ASTN2: variants seen among roughly 807,000 people sequenced by gnomAD.
ASTN2 encodes the protein astrotactin-2.
In ASTN2, 54 loss-of-function variants were observed where a neutral mutation model predicts 139.8. That is an observed-to-expected ratio of 0.39 (90% confidence interval 0.31 to 0.48). The LOEUF is 0.48. ASTN2 is among the 20% of genes least tolerant of loss of function. The pLI is 0.95. For synonymous variants in ASTN2, 756 were observed against 719.5 expected (o/e 1.05, Z -0.81); for missense variants, 1,565 against 1,725.1 (o/e 0.91, Z 1.64).
chr9:116,804,212 T>C (rs1588306935), intron 13 of ASTN2, among the ~76,000 whole-genome samples: 1 of 152,160 alleles, frequency 6.6e-6, no homozygotes, highest in African/African-American at 2.4e-5. Context: ...TAAGAGGGTA[T>C]GCTGAATTGA....
intron 19 of ASTN2, among the ~76,000 whole-genome samples, chr9:116,543,041 T>G (rs549346852): frequency 3.9e-4 from 60 of 152,188 alleles, no homozygotes; most frequent in African/African-American, 1.4e-3. Context: ...TTTTTGGAAC[T>G]CTCTTTTAAA....
chr9:116,433,974 T>C (rs1350147119), intron 22 of ASTN2, among the ~76,000 whole-genome samples: 1 of 152,168 alleles, frequency 6.6e-6, no homozygotes, highest in East Asian at 1.9e-4. Flanking sequence ...TTGGAACTGA[T>C]AGGAACTTCA....
intron 4 of ASTN2, among the ~76,000 whole-genome samples, chr9:117,122,579 T>C (rs769135825): frequency 9.2e-5 from 14 of 152,184 alleles, no homozygotes; most frequent in Non-Finnish European, 2.1e-4. Context: ...CACATGGTCA[T>C]TGACTTTGTG....
chr9:117,169,752 G>T (rs138822712), intron 3 of ASTN2, among the ~76,000 whole-genome samples: 1 of 152,032 alleles, frequency 6.6e-6, no homozygotes, highest in East Asian at 1.9e-4. Flanking sequence ...GCAGGGGGCT[G>T]GTGTGGGGAG....
At chr9:117,284,570 G>T (rs1216238379) in intron 2 of ASTN2, among the ~76,000 whole-genome samples, 2 of 152,220 alleles carry the variant, frequency 1.3e-5, no homozygotes, top group African/African-American at 4.8e-5. Context: ...AAGGTGCATG[G>T]TCTCACAGAT....
chr9:116,603,866 A>G (rs1855045417), intron 19 of ASTN2, among the ~76,000 whole-genome samples: 1 of 152,186 alleles, frequency 6.6e-6, no homozygotes, highest in African/African-American at 2.4e-5. Flanking sequence ...AGGGAGAAAG[A>G]TCAGCTTGGG....
intron 19 of ASTN2, among the ~76,000 whole-genome samples, chr9:116,586,839 C>CACACATACAA (rs1554717136): frequency 4.5e-4 from 68 of 149,452 alleles, no homozygotes; most frequent in Non-Finnish European, 7.0e-4. Flanking sequence ...CATACACACA[C>CACACATACAA]ACACACACAC....
chr9:116,432,286 T>C (rs1241688700), intron 22 of ASTN2, among the ~76,000 whole-genome samples: 2 of 152,222 alleles, frequency 1.3e-5, no homozygotes, highest in African/African-American at 4.8e-5. Flanking sequence ...AAGTCATGTT[T>C]TCCCATTTGC....
intron 13 of ASTN2, among the ~76,000 whole-genome samples, chr9:116,752,671 CAAGAA>C (rs1829430435): frequency 6.6e-6 from 1 of 152,088 alleles, no homozygotes; most frequent in Non-Finnish European, 1.5e-5. Flanking sequence ...TAAAATTCAA[CAAGAA>C]AACAAACAGT....
chr9:117,186,727 T>C (rs1375580549), intron 3 of ASTN2, among the ~76,000 whole-genome samples: 1 of 152,214 alleles, frequency 6.6e-6, no homozygotes, highest in Non-Finnish European at 1.5e-5. Context: ...ATTTGCTTTC[T>C]ATACAGTGCC....
At chr9:117,006,892 G>A (rs554911292) in intron 7 of ASTN2, among the ~76,000 whole-genome samples, 28 of 152,072 alleles carry the variant, frequency 1.8e-4, no homozygotes, top group Admixed American at 3.3e-4. Context: ...CGAGGTGGGC[G>A]GATCATGAAG....
chr9:117,038,638 TA>T lies in ASTN2; in HGVS notation c.1423+1180del, dbSNP rs1471503983. ...TAAAATGTATACAATTTTTAAAGGG[TA>T]AAAAGTTCTAAAACTAAAAATTTAT... On this transcript the variant is annotated intron_variant, in intron 6 of 22. Coordinates refer to ENST00000313400, the MANE Select transcript of ASTN2 (RefSeq NM_001365068.1). 3.3e-5 allele frequency among the ~76,000 whole-genome samples: 5 copies of T among 152,280 alleles called. No homozygotes were observed. The East Asian group carries it at 9.6e-4, about 29-fold the overall frequency.
intron 14 of ASTN2, among the ~76,000 whole-genome samples, chr9:116,731,346 A>G (rs1828779115): frequency 6.6e-6 from 1 of 152,118 alleles, no homozygotes; most frequent in Admixed American, 6.5e-5. Flanking sequence ...AGCATTTTAT[A>G]TACATGATCT....
intron 16 of ASTN2, among the ~76,000 whole-genome samples, chr9:116,674,469 C>G (rs189171975): frequency 6.6e-6 from 1 of 152,172 alleles, no homozygotes; most frequent in East Asian, 1.9e-4. Context: ...CGCCCTCCCC[C>G]GGAGAGAGCC....
intron 16 of ASTN2, among the ~76,000 whole-genome samples, chr9:116,687,727 G>A (rs911666843): frequency 6.6e-6 from 1 of 152,010 alleles, no homozygotes; most frequent in Non-Finnish European, 1.5e-5. Context: ...GGGAATCAGG[G>A]CCCTGGAGGG....
At chr9:116,610,651 C>T (rs375018964) in intron 19 of ASTN2, among the ~76,000 whole-genome samples, 1 of 151,926 alleles carries the variant, frequency 6.6e-6, no homozygotes, top group Non-Finnish European at 1.5e-5. Context: ...GACTTTAACA[C>T]TAATCAAAAG....
intron 11 of ASTN2, among the ~76,000 whole-genome samples, chr9:116,839,731 C>T (rs1200287609): frequency 6.6e-6 from 1 of 151,890 alleles, no homozygotes; most frequent in South Asian, 2.1e-4. Flanking sequence ...ACTGCAGTGG[C>T]GTGATCTCGG....
chr9:116,966,090 T>C lies in ASTN2; in HGVS notation c.1889+9118A>G, dbSNP rs150475368. On this transcript the variant is annotated intron_variant, in intron 10 of 22. Transcript: ENST00000313400. The stretch of plus-strand genomic sequence containing the variant: ...CAGTATACATGCCCAAAATCATACT[T>C]TCATGTGTCTCTCTCTTTCATCTAA... 1.2e-3 allele frequency among the ~76,000 whole-genome samples: 187 copies of C among 152,254 alleles called. 2 individuals are homozygous for C. In the South Asian group the frequency reaches 0.014, roughly 11 times the overall value.
chr9:116,653,451 A>G (rs1858037114), intron 16 of ASTN2, among the ~76,000 whole-genome samples: 1 of 152,248 alleles, frequency 6.6e-6, no homozygotes, highest in Non-Finnish European at 1.5e-5. Context: ...TTGAAGAAGC[A>G]AAGTGATTTG....
Sources: gnomAD v4.1 joint callset for allele counts (sites outside exome capture counted in the v4.1 genomes callset) on GRCh38, gnomAD v4.1.1 for gene constraint, MANE v1.5 for transcripts, NCBI Gene and HGNC (gene_info 2026-07-23, HGNC 2026-07-21) for gene names.